The following SEC22B variants were observed in gnomAD, a reference collection of about 807,000 sequenced individuals.
The protein encoded by SEC22B is SEC22 homolog B, vesicle trafficking protein, also known as vesicle-trafficking protein SEC22b.
In SEC22B, 10 loss-of-function variants were observed where a neutral mutation model predicts 31.4. That is an observed-to-expected ratio of 0.32 (90% CI 0.20 to 0.54). The LOEUF (loss-of-function observed/expected upper bound fraction) is 0.54. SEC22B is among the 20% of genes least tolerant of loss of function. The pLI, the probability that SEC22B is intolerant of heterozygous loss-of-function variation, is 0.94. For synonymous variants in SEC22B, 60 were observed against 95.9 expected (o/e 0.63, Z 2.19); for missense variants, 130 against 263.4 (o/e 0.49, Z 3.50).
Position 120,157,068 on chromosome 1 carries a change from T to A in SEC22B, c.618A>T (p.Leu206Phe), listed in dbSNP as rs1657639200. The A allele has an allele frequency of 6.4e-7, 1 of 1,569,194 alleles. No individual in the cohort carries two copies. Among genetic ancestry groups the A allele is most frequent in the African/African-American group, 1.4e-5 (1 of 73,886 alleles). Residue 206 changes from leucine (L) to phenylalanine (F), a missense_variant, in exon 5 of 5, where the codon TTA becomes TTT. Physicochemically the swap from Leu to Phe is conservative, Grantham distance 22. Coordinates refer to ENST00000578049, the MANE Select transcript of SEC22B (RefSeq NM_004892.6). ...LAAVAVFFIM[L>F]IVYVRFWWL ...GCCACCAGAATCGGACATACACTAT[T>A]AACATGATGAAAAATACAGCTACTG...
At chr1:120,161,654 ATGCCAC>A (rs1193705700) in intron 3 of SEC22B, among the ~76,000 whole-genome samples, 1 of 151,902 alleles carries the variant, frequency 6.6e-6, no homozygotes, top group Non-Finnish European at 1.5e-5. Context: ...AGCCAAAATC[ATGCCAC>A]TGCACCCCAG....
chr1:120,164,826 A>T (rs1350119967), intron 2 of SEC22B, among the ~76,000 whole-genome samples: 1 of 151,968 alleles, frequency 6.6e-6, no homozygotes, highest in Non-Finnish European at 1.5e-5. Flanking sequence ...AAGTTCTTTG[A>T]AAAATCTCTA....
At chr1:120,168,321 T>C (rs1452070751) in intron 2 of SEC22B, among the ~76,000 whole-genome samples, 2 of 151,520 alleles carry the variant, frequency 1.3e-5, no homozygotes, top group Admixed American at 6.6e-5. Context: ...TTATAACCAC[T>C]GATTAAGATG....
chr1:120,174,303 G>A (rs1321528661), intron 1 of SEC22B, among the ~76,000 whole-genome samples: 5 of 152,298 alleles, frequency 3.3e-5, no homozygotes, highest in African/African-American at 1.2e-4. Context: ...TTGGTATGTA[G>A]TAGGCGCTTT....
chr1:120,161,706 A>G (rs1396874879), intron 3 of SEC22B, among the ~76,000 whole-genome samples: 3 of 151,900 alleles, frequency 2.0e-5, no homozygotes, highest in African/African-American at 7.3e-5. Context: ...CTCTAAGTAA[A>G]TAAATAAATA....
intron 2 of SEC22B, among the ~76,000 whole-genome samples, chr1:120,164,915 G>C (rs1657783338): frequency 6.6e-6 from 1 of 152,164 alleles, no homozygotes; most frequent in Non-Finnish European, 1.5e-5. Context: ...AGCCTCATCA[G>C]CATCTGTTGT....
intron 2 of SEC22B, among the ~76,000 whole-genome samples, chr1:120,165,698 C>T (rs1462556495): frequency 3.9e-5 from 6 of 151,982 alleles, no homozygotes; most frequent in African/African-American, 1.5e-4. Context: ...TTAATACAGT[C>T]CCATTTGTCT....
chr1:120,157,383 T>C, intron 4 of SEC22B, 191 bp from the exon 5 acceptor site: 1 of 398,648 alleles, frequency 2.5e-6, no homozygotes, highest in South Asian at 9.9e-5. Context: ...TTTTTGAGGC[T>C]ATATAGTAAG....
chr1:120,160,511 G>A lies in SEC22B; in HGVS notation c.366C>T (p.Thr122=). ...FIEFDTFIQK[T]KKLYIDSRAR... Reference sequence around the variant, plus strand: ...CACGACTGTCAATGTAGAGCTTCTTGGTTTTCTGAATGAAAGTATCTAGAA... The same window carrying A: ...CACGACTGTCAATGTAGAGCTTCTTAGTTTTCTGAATGAAAGTATCTAGAA... Residue 122 remains threonine, a synonymous_variant, in exon 4 of 5, where the codon ACC becomes ACT. Transcript: ENST00000578049. 6.3e-7 allele frequency: 1 copy of A among 1,588,588 alleles called. No individual in the cohort carries two copies. The highest frequency in any genetic ancestry group is 8.6e-7 in the Non-Finnish European group (1 of 1,167,392).
At chr1:120,163,868 G>C (rs1657759661) in intron 2 of SEC22B, among the ~76,000 whole-genome samples, 1 of 150,240 alleles carries the variant, frequency 6.7e-6, no homozygotes, top group South Asian at 2.1e-4. Flanking sequence ...GTGAGCCACT[G>C]CACCCAGCCT....
intron 2 of SEC22B, among the ~76,000 whole-genome samples, chr1:120,167,806 T>C (rs1265833951): frequency 1.3e-5 from 2 of 152,148 alleles, no homozygotes; most frequent in African/African-American, 4.8e-5. Context: ...CAGAAGAAAA[T>C]CTCTTCTCAA....
intron 1 of SEC22B, among the ~76,000 whole-genome samples, chr1:120,171,033 C>T (rs1234760755): frequency 3.1e-5 from 4 of 128,750 alleles, no homozygotes; most frequent in Non-Finnish European, 1.5e-5. Flanking sequence ...GGCTCAAGTG[C>T]CAAGAAATAA....
chr1:120,176,448 C>T lies in SEC22B; in HGVS notation c.-67G>A. The T allele has an allele frequency of 2.8e-6, 4 of 1,408,442 alleles. No individual in the cohort carries two copies. The highest frequency in any genetic ancestry group is 1.2e-5 in the South Asian group (1 of 84,552). The allele number at this position is 1,408,442 out of a possible 1,614,324, so 87.2% of individuals were successfully genotyped here. On this transcript the variant is annotated 5_prime_UTR_variant, in exon 1 of 5. Coordinates refer to ENST00000578049, the MANE Select transcript of SEC22B (RefSeq NM_004892.6). ...TTGGCGCCGTCCTCACTTCCTCCGC[C>T]GCGACAACAGTTATACCCTATGTCT... is the stretch of plus-strand genomic sequence containing the variant.
At chr1:120,174,419 CT>C (rs1470474452) in intron 1 of SEC22B, among the ~76,000 whole-genome samples, 15 of 151,854 alleles carry the variant, frequency 9.9e-5, no homozygotes, top group African/African-American at 3.4e-4. Flanking sequence ...GTCAAAATTC[CT>C]AAAGGAAAAT....
At position 120,170,592 on chromosome 1, in the gene SEC22B, CTTGT is replaced by C. The variant is rs1657879928; in HGVS notation, c.76-1647_76-1644del. On this transcript the variant is annotated intron_variant, in intron 1 of 4. Transcript: ENST00000578049. ...TTGAGGTATTAGTTTGTAGATTTAT[CTTGT>C]TTAATACCACTGTTATGGCAATTAT... Among the ~76,000 whole-genome samples, 4 of 151,720 alleles carry C rather than the reference CTTGT, an allele frequency of 2.6e-5. No homozygotes were observed. In the East Asian group the frequency reaches 7.8e-4, roughly 29 times the overall value.
intron 1 of SEC22B, among the ~76,000 whole-genome samples, chr1:120,175,400 C>CT (rs1445574387): frequency 7.7e-6 from 1 of 129,338 alleles, no homozygotes; most frequent in Non-Finnish European, 1.6e-5. Flanking sequence ...AATATCTCAT[C>CT]TTTTTTTAAG....
At chr1:120,176,156 C>T (rs1657957753) in intron 1 of SEC22B, 151 bp downstream of exon 1, 1 of 191,954 alleles carries the variant, frequency 5.2e-6, no homozygotes, top group Non-Finnish European at 9.6e-6. Context: ...CCGGTAGTCT[C>T]TCCTACACCA....
intron 3 of SEC22B, among the ~76,000 whole-genome samples, chr1:120,162,806 T>C (rs1455293462): frequency 6.6e-6 from 1 of 152,150 alleles, no homozygotes; most frequent in African/African-American, 2.4e-5. Flanking sequence ...ACATCATTCT[T>C]TCTGATTTCC....
chr1:120,157,150 T>C lies in SEC22B; in HGVS notation c.536A>G (p.Lys179Arg). The C allele has an allele frequency of 1.3e-6, 2 of 1,555,272 alleles. No individual in the cohort carries two copies. The highest frequency in any genetic ancestry group is 3.6e-5 in the Admixed American group (2 of 55,070). The change falls in exon 5 of 5, where the codon AAA (lysine) becomes AGA (arginine). Residue 179 changes from lysine to arginine, a missense_variant. By Grantham distance (26) the Lys-to-Arg change is conservative (BLOSUM62 2). Transcript: ENST00000578049. ...CAAGTACTTCGCATCCTGGCGGTAT[T>C]TCTTGGACAGACTGGACAAATTGTT... ...KANNLSSLSK[K>R]YRQDAKYLNM... is the part of the protein sequence containing the mutation.
Sources: allele counts gnomAD v4.1 joint callset (sites outside exome capture counted in the v4.1 genomes callset), GRCh38; gene constraint gnomAD v4.1.1; transcripts MANE v1.5; gene names NCBI Gene and HGNC (gene_info 2026-07-23, HGNC 2026-07-21).